The following PKP4 variants were observed in gnomAD, a reference collection of about 807,000 sequenced individuals.
PKP4 encodes plakophilin-4.
A neutral mutation model predicts 145.1 loss-of-function variants in PKP4; 90 were observed. The ratio of observed to expected loss-of-function variants is 0.62; its 90% CI spans 0.52 to 0.74. The LOEUF is 0.74. PKP4 is among the 30% of genes least tolerant of loss of function. PKP4 has a pLI of 0.00. For synonymous variants in PKP4, 563 were observed against 577.2 expected, an observed-to-expected ratio of 0.98 and a Z score of 0.35; for missense variants, 1,340 against 1,482.7, an observed-to-expected ratio of 0.90 and a Z score of 1.58.
Position 158,509,571 on chromosome 2 carries a change from TTGG to T in PKP4, c.-5-23605_-5-23603del, listed in dbSNP as rs554942351. ...ACTTTGTTAACAGCTTTCTAGATTATTGGTGGAATTATAGCTCTGATTTATAGG... is the reference window on the plus strand; with the variant it reads ...ACTTTGTTAACAGCTTTCTAGATTATTGGAATTATAGCTCTGATTTATAGG... On this transcript the variant is annotated intron_variant, in intron 1 of 21. Coordinates refer to ENST00000389759, the MANE Select transcript of PKP4 (RefSeq NM_003628.6). Among the ~76,000 whole-genome samples, 5 of 152,284 alleles carry T rather than the reference TTGG, an allele frequency of 3.3e-5. No homozygotes were observed. In the South Asian group the frequency reaches 1.0e-3, roughly 32 times the overall value.
At chr2:158,473,943 G>T (rs1417439622) in intron 1 of PKP4, among the ~76,000 whole-genome samples, 2 of 152,032 alleles carry the variant, frequency 1.3e-5, no homozygotes, top group African/African-American at 4.8e-5. Flanking sequence ...TAAGGAAAGG[G>T]GAGGACTCTG....
intron 1 of PKP4, among the ~76,000 whole-genome samples, chr2:158,521,187 A>G (rs568647249): frequency 6.6e-6 from 1 of 152,300 alleles, no homozygotes; most frequent in East Asian, 1.9e-4. Context: ...TCCCATTTAC[A>G]CTGTCATCAG....
At chr2:158,503,965 C>CTTTTTTT (rs59715903) in intron 1 of PKP4, among the ~76,000 whole-genome samples, 28 of 86,892 alleles carry the variant, frequency 3.2e-4, no homozygotes, top group South Asian at 1.1e-3. Flanking sequence ...TAAATTCTGG[C>CTTTTTTT]TTTTTTTTTT....
rs753156745 is a variant in PKP4 at position 158,641,347 on chromosome 2, T to A, written c.1695+588T>A. 2.0e-4 allele frequency among the ~76,000 whole-genome samples: 31 copies of A among 151,378 alleles called. 1 individual carries two copies. Among genetic ancestry groups the A allele is most frequent in the Non-Finnish European group, 4.0e-4 (27 of 67,758 alleles). On this transcript the variant is annotated intron_variant, in intron 10 of 21. Coordinates refer to ENST00000389759, the MANE Select transcript of PKP4 (RefSeq NM_003628.6). ...ACTCTGTCTCAAAAAAAAAAAAAATTATTAGGTTAAAAATTATAGTATTCA... is the reference window on the plus strand; with the variant it reads ...ACTCTGTCTCAAAAAAAAAAAAAATAATTAGGTTAAAAATTATAGTATTCA...
At chr2:158,534,516 G>GA (rs945745620) in intron 2 of PKP4, among the ~76,000 whole-genome samples, 5 of 152,108 alleles carry the variant, frequency 3.3e-5, no homozygotes, top group Admixed American at 6.5e-5. Context: ...CTTTAGGAGA[G>GA]AAAAAAGGAC....
intron 1 of PKP4, chr2:158,458,189 C>CAGGAATGCG (rs1051873778): frequency 1.3e-5 from 2 of 152,962 alleles, no homozygotes. Flanking sequence ...ACAGATTGTG[C>CAGGAATGCG]AGGAATGCGA....
intron 4 of PKP4, among the ~76,000 whole-genome samples, chr2:158,610,124 A>G (rs1437776474): frequency 6.6e-6 from 1 of 152,220 alleles, no homozygotes; most frequent in Non-Finnish European, 1.5e-5. Context: ...TTCTAAAAAT[A>G]TAAATGCACA....
intron 1 of PKP4, among the ~76,000 whole-genome samples, chr2:158,512,384 TGTG>T (rs2041593313): frequency 6.6e-6 from 1 of 152,182 alleles, no homozygotes; most frequent in Admixed American, 6.5e-5. Flanking sequence ...TTAACATGCT[TGTG>T]GTGGTGATAC....
chr2:158,564,321 G>A (rs1433756856), intron 2 of PKP4, among the ~76,000 whole-genome samples: 2 of 151,938 alleles, frequency 1.3e-5, no homozygotes, highest in Non-Finnish European at 2.9e-5. Flanking sequence ...ATATATAATG[G>A]TCCTTCTGAA....
intron 1 of PKP4, 165 bp downstream of exon 1, chr2:158,457,383 C>G (rs1688930723): frequency 6.6e-6 from 1 of 152,290 alleles, no homozygotes; most frequent in Non-Finnish European, 1.5e-5. Flanking sequence ...TTTCCTGCCC[C>G]GCCTCGTGTT....
chr2:158,624,511 T>A (rs1226967842), intron 6 of PKP4, among the ~76,000 whole-genome samples: 1 of 152,208 alleles, frequency 6.6e-6, no homozygotes, highest in Non-Finnish European at 1.5e-5. Context: ...ATTGTTCTGG[T>A]GCCCCTTCAC....
intron 1 of PKP4, among the ~76,000 whole-genome samples, chr2:158,530,077 G>A (rs2043378876): frequency 6.6e-6 from 1 of 152,148 alleles, no homozygotes; most frequent in South Asian, 2.1e-4. Flanking sequence ...ATGTGATGGA[G>A]GACTTCTAAT....
In PKP4 at chr2:158,631,743, G is replaced by A. The variant is rs1306118706; in HGVS notation, c.1154-10G>A. 2 of 1,610,872 alleles carry A rather than the reference G, an allele frequency of 1.2e-6. No homozygotes were observed. The highest frequency in any genetic ancestry group is 2.7e-5 in the African/African-American group (2 of 74,802). On this transcript the variant is annotated splice_polypyrimidine_tract_variant and intron_variant, in intron 7 of 21. Transcript: ENST00000389759. ...CTCAGTTCTTAACGATGTAATTTTT[G>A]TGCCTCTAGGCTTACGGAGTTCCTA... is the stretch of plus-strand genomic sequence containing the variant.
At chr2:158,669,160 T>C (rs2057359021) in intron 16 of PKP4, 1 of 152,208 alleles carries the variant, frequency 6.6e-6, no homozygotes, top group African/African-American at 2.4e-5. Flanking sequence ...GAAACTAACA[T>C]GTTGCCACCG....
At position 158,678,534 on chromosome 2, in the gene PKP4, C is replaced by G. The variant is rs370369312; in HGVS notation, c.3257-47C>G. ...GGGGAGACCACCCAGCCTAATGGAC[C>G]AGAGTAATAAGCACTAGTTTTAATT... On this transcript the variant is annotated intron_variant, in intron 20 of 21. Transcript: ENST00000389759. The G allele has an allele frequency of 2.2e-6, 3 of 1,343,030 alleles. No individual in the cohort carries two copies. In the African/African-American group the frequency reaches 4.3e-5, roughly 19 times the overall value. 83.2% of individuals were successfully genotyped at this position (1,343,030 alleles called of 1,614,324 possible). A position where few individuals can be genotyped will look rare whatever the true frequency, so the allele number is the denominator to read the frequency against.
At position 158,629,625 on chromosome 2, in the gene PKP4, C is replaced by T. The variant is rs2053159438; in HGVS notation, c.1154-2128C>T. Among the ~76,000 whole-genome samples, 3 of 152,314 alleles carry T rather than the reference C, an allele frequency of 2.0e-5. No individual in the cohort carries two copies. The South Asian group carries it at 6.2e-4, about 32-fold the overall frequency. ...TGCATGTGTTAACTTTCTTGCCTCT[C>T]CTCACTAACCAACATGTAATTAGCA... On this transcript the variant is annotated intron_variant, in intron 7 of 21. Coordinates refer to ENST00000389759, the MANE Select transcript of PKP4 (RefSeq NM_003628.6).
chr2:158,478,538 C>G (rs1692860711), intron 1 of PKP4, among the ~76,000 whole-genome samples: 1 of 152,170 alleles, frequency 6.6e-6, no homozygotes, highest in South Asian at 2.1e-4. Flanking sequence ...AATAGCTCAT[C>G]GTTTTTTGTT....
intron 1 of PKP4, among the ~76,000 whole-genome samples, chr2:158,517,369 T>C (rs2042017018): frequency 6.6e-6 from 1 of 152,196 alleles, no homozygotes; most frequent in Non-Finnish European, 1.5e-5. Flanking sequence ...TAGAATAGTG[T>C]CTTCATTTAT....
chr2:158,504,290 C>T (rs906190765), intron 1 of PKP4, among the ~76,000 whole-genome samples: 7 of 152,150 alleles, frequency 4.6e-5, no homozygotes, highest in Non-Finnish European at 1.5e-5. Flanking sequence ...ATGAAGTACA[C>T]GGCCCAGGGC....
Sources: allele counts gnomAD v4.1 joint callset (sites outside exome capture counted in the v4.1 genomes callset), GRCh38; gene constraint gnomAD v4.1.1; transcripts MANE v1.5; gene names NCBI Gene and HGNC (gene_info 2026-07-23, HGNC 2026-07-21).